The following NOP2 variants were observed in gnomAD, a reference collection of about 807,000 sequenced individuals.
NOP2 encodes the protein NOP2 nucleolar protein.
NOP2 carries 7 observed loss-of-function variants against 72.7 expected under a neutral mutation model. The ratio of observed to expected loss-of-function variants is 0.10; its 90% confidence interval spans 0.05 to 0.18. The LOEUF is 0.18. NOP2 is among the 10% of genes least tolerant of loss of function. NOP2 has a pLI of 1.00. For synonymous variants in NOP2, 387 were observed against 388.0 expected, an observed-to-expected ratio of 1.00 and a Z score of 0.03; for missense variants, 954 against 1,014.7, an observed-to-expected ratio of 0.94 and a Z score of 0.81.
chr12:6,556,960 T>C lies in NOP2; in HGVS notation c.*33A>G, dbSNP rs1947491201. The stretch of plus-strand genomic sequence containing the variant: ...GGCAAGAGTTCCAACCTGGTGACAA[T>C]GGCAGTGAGCCACCCGTCTAGTTTT... On this transcript the variant is annotated 3_prime_UTR_variant, in exon 16 of 16. Coordinates refer to ENST00000322166, the MANE Select transcript of NOP2 (RefSeq NM_001258308.2). 12 of 1,612,104 alleles carry C rather than the reference T, an allele frequency of 7.4e-6. No homozygotes were observed. The highest frequency in any genetic ancestry group is 1.0e-5 in the Non-Finnish European group (12 of 1,179,192).
chr12:6,559,948 G>A, intron 15 of NOP2, 150 bp downstream of exon 15: 2 of 646,182 alleles, frequency 3.1e-6, no homozygotes, highest in Non-Finnish European at 5.4e-6. Flanking sequence ...AATTCTAGCT[G>A]GAATGAGAGG....
chr12:6,560,017 C>G lies in NOP2; in HGVS notation c.1789+81G>C. 1 of 1,040,216 alleles carries G rather than the reference C, an allele frequency of 9.6e-7. No homozygotes were observed. 64.4% of individuals were successfully genotyped at this position (1,040,216 alleles called of 1,614,324 possible). ...AGGGATGCATGAATCTTTCCTTTCC[C>G]TTCCTCTTGTCACACCATAAAGCCT... On this transcript the variant is annotated intron_variant, in intron 15 of 15. Coordinates refer to ENST00000322166, the MANE Select transcript of NOP2 (RefSeq NM_001258308.2). The surrounding 1 kb of genome is among the most constrained non-coding windows in gnomAD (Gnocchi z 5.0).
chr12:6,563,351 C>T lies in NOP2; in HGVS notation c.852G>A (p.Leu284=), dbSNP rs1186835257. ...GGAAGAGGTCCATGAGCTTGCCAAG[C>T]AGGAAGTCTCCATAGGAGTAGTAAA... ...LAIYYSYGDF[L]LGKLMDLFPL... is the part of the protein sequence containing the mutation. The change falls in exon 8 of 16, where the codon CTG becomes CTA. Residue 284 remains leucine, a synonymous_variant. Coordinates refer to ENST00000322166, the MANE Select transcript of NOP2 (RefSeq NM_001258308.2). 1.9e-6 allele frequency: 3 copies of T among 1,601,464 alleles called. No homozygotes were observed. Among genetic ancestry groups the T allele is most frequent in the African/African-American group, 2.7e-5 (2 of 74,758 alleles).
chr12:6,564,994 G>C (rs758124014), intron 5 of NOP2, among the ~76,000 whole-genome samples: 2 of 152,034 alleles, frequency 1.3e-5, no homozygotes, highest in East Asian at 1.9e-4. Flanking sequence ...ATGTAGGAAG[G>C]GGGTGCACAT....
chr12:6,562,409 AAC>A (rs1163272442), intron 9 of NOP2, among the ~76,000 whole-genome samples: 2 of 152,226 alleles, frequency 1.3e-5, no homozygotes, highest in Admixed American at 6.5e-5. Context: ...GCTTACTCCA[AAC>A]ACAGTCATCA....
At chr12:6,565,551 G>A (rs996668537) in intron 5 of NOP2, among the ~76,000 whole-genome samples, 21 of 151,922 alleles carry the variant, frequency 1.4e-4, no homozygotes, top group African/African-American at 4.4e-4. Context: ...TATTGTCCAG[G>A]CTGGTCTCGA....
Sources: gnomAD v4.1 joint callset for allele counts (sites outside exome capture counted in the v4.1 genomes callset) on GRCh38, gnomAD v4.1.1 for gene constraint, Gnocchi (gnomAD v3.1) non-coding constraint, MANE v1.5 for transcripts, NCBI Gene and HGNC (gene_info 2026-07-23, HGNC 2026-07-21) for gene names.